Variants in ZNF567 observed in about 807,000 individuals in gnomAD.
ZNF567 encodes the protein zinc finger protein 567.
A neutral mutation model predicts 53.9 loss-of-function variants in ZNF567; 36 were observed. The observed-to-expected ratio is 0.67, with a 90% CI of 0.51 to 0.88. The LOEUF (loss-of-function observed/expected upper bound fraction) is 0.88, where lower values mean the gene tolerates loss of function less well. Ranked by LOEUF, ZNF567 falls within the 40% of genes least tolerant of loss-of-function variation. ZNF567 has a pLI of 0.00. For synonymous variants in ZNF567, 224 were observed against 260.4 expected (o/e 0.86, Z 1.35); for missense variants, 619 against 764.7 (o/e 0.81, Z 2.25).
intron 3 of ZNF567, chr19:36,711,575 A>G (rs1205589153): frequency 2.6e-5 from 4 of 152,182 alleles, no homozygotes; most frequent in Non-Finnish European, 4.4e-5. Context: ...TCTGAGGGAA[A>G]GTGTCCCTGA....
chr19:36,690,062 A>G (rs1326520625), intron 2 of ZNF567, among the ~76,000 whole-genome samples: 1 of 152,212 alleles, frequency 6.6e-6, no homozygotes, highest in Non-Finnish European at 1.5e-5. Flanking sequence ...TCTTTGGGAT[A>G]TCAGCTGAGG....
chr19:36,674,195 A>G, the ZNF567 span, among the ~76,000 whole-genome samples: 1 of 152,246 alleles, frequency 6.6e-6, no homozygotes, highest in Non-Finnish European at 1.5e-5. Context: ...AAATTGTCCT[A>G]GAAGTGGGGG....
downstream of ZNF567, among the ~76,000 whole-genome samples, chr19:36,722,461 G>A (rs528361642): frequency 1.7e-4 from 26 of 151,956 alleles, no homozygotes; most frequent in African/African-American, 3.9e-4. Context: ...GCCACCACAC[G>A]CAGCTAATTT....
chr19:36,709,631 A>G (rs540290624), intron 3 of ZNF567, among the ~76,000 whole-genome samples: 2 of 151,604 alleles, frequency 1.3e-5, no homozygotes, highest in African/African-American at 2.4e-5. Context: ...CGCCCAGCCT[A>G]TTAGCATTTT....
At chr19:36,684,155 C>A (rs1177989544), upstream of ZNF567, among the ~76,000 whole-genome samples, 1 of 152,104 alleles carries the variant, frequency 6.6e-6, no homozygotes, top group Non-Finnish European at 1.5e-5. Context: ...AATTTAGTGA[C>A]ATGAAAATTT....
At chr19:36,685,565 C>A (rs542161306), upstream of ZNF567, 4 of 152,040 alleles carry the variant, frequency 2.6e-5, no homozygotes, top group Non-Finnish European at 4.4e-5. Context: ...AAATAAGTTA[C>A]CACATATCCA....
the ZNF567 span, among the ~76,000 whole-genome samples, chr19:36,672,704 G>A: frequency 7.2e-5 from 11 of 152,190 alleles, no homozygotes; most frequent in Admixed American, 6.5e-4. Flanking sequence ...CATCATGGAA[G>A]GGGTAGTATT....
chr19:36,724,402 G>A (rs931919102), downstream of ZNF567, among the ~76,000 whole-genome samples: 1 of 151,856 alleles, frequency 6.6e-6, no homozygotes, highest in Non-Finnish European at 1.5e-5. Flanking sequence ...GATTTCTCAG[G>A]CCAGGTGTGG....
At chr19:36,722,022 G>T (rs2040309596), downstream of ZNF567, among the ~76,000 whole-genome samples, 2 of 151,186 alleles carry the variant, frequency 1.3e-5, no homozygotes, top group Admixed American at 1.3e-4. Flanking sequence ...GGATTACAGG[G>T]TGACCCACCA....
Position 36,720,513 on chromosome 19 carries a change from T to C in ZNF567, c.1789T>C (p.Cys597Arg). 1.2e-6 allele frequency: 2 copies of C among 1,614,078 alleles called. No individual in the cohort carries two copies. The highest frequency in any genetic ancestry group is 8.5e-7 in the Non-Finnish European group (1 of 1,179,990). The change falls in exon 6 of 6, where the codon TGC (cysteine) becomes CGC (arginine). Residue 597 changes from cysteine (C) to arginine (R), a missense_variant. Physicochemically the swap from Cys to Arg is radical, Grantham distance 180. Coordinates refer to ENST00000682579, the MANE Select transcript of ZNF567 (RefSeq NM_001322917.1). ...ATATAAATGTAGTGAATGTGGAAAG[T>C]GCTTCCGCCAGAAGACAAATCTTAT... ...KPYKCSECGK[C>R]FRQKTNLIVH...
chr19:36,726,052 G>A (rs2040334127), downstream of ZNF567, among the ~76,000 whole-genome samples: 1 of 151,966 alleles, frequency 6.6e-6, no homozygotes, highest in Non-Finnish European at 1.5e-5. Flanking sequence ...TGATTGCTCT[G>A]TCTCCTCTGT....
At chr19:36,723,069 C>A (rs2040317713), downstream of ZNF567, 2 of 655,358 alleles carry the variant, frequency 3.1e-6, no homozygotes, top group South Asian at 1.7e-5. Context: ...ACTGTGAGAA[C>A]CCAAGGATTT....
At chr19:36,696,062 A>G (rs2038869955) in intron 3 of ZNF567, among the ~76,000 whole-genome samples, 1 of 152,202 alleles carries the variant, frequency 6.6e-6, no homozygotes, top group Admixed American at 6.5e-5. Flanking sequence ...GCCTTCCAAT[A>G]ACACCTTCTT....
intron 3 of ZNF567, among the ~76,000 whole-genome samples, chr19:36,701,517 G>A (rs1425014132): frequency 6.6e-6 from 1 of 152,108 alleles, no homozygotes; most frequent in Non-Finnish European, 1.5e-5. Flanking sequence ...AATGTTGACA[G>A]TGGGGTGTTA....
chr19:36,723,425 A>G (rs1160183907), downstream of ZNF567: 4 of 560,254 alleles, frequency 7.1e-6, no homozygotes, highest in Admixed American at 3.3e-5. Flanking sequence ...AGAACATTGT[A>G]TCCAATGTCC....
the ZNF567 span, among the ~76,000 whole-genome samples, chr19:36,681,871 A>C: frequency 6.6e-6 from 1 of 152,056 alleles, no homozygotes; most frequent in African/African-American, 2.4e-5. Context: ...TATAACTGAA[A>C]CTTTGTATAT....
chr19:36,720,878 TAAAGTCAACTGCTCTTCCTACTGACTC>T lies in ZNF567; in HGVS notation c.*214_*240del, dbSNP rs575658103. 9.9e-4 allele frequency: 369 copies of T among 372,196 alleles called. No homozygotes were observed. Among genetic ancestry groups the T allele is most frequent in the African/African-American group, 6.8e-3 (328 of 47,952 alleles). The allele number at this position is 372,196 out of a possible 1,614,324, so 23.1% of individuals were successfully genotyped here. On this transcript the variant is annotated 3_prime_UTR_variant, in exon 6 of 6. Coordinates refer to ENST00000682579, the MANE Select transcript of ZNF567 (RefSeq NM_001322917.1). The stretch of plus-strand genomic sequence containing the variant: ...CTCTATCAGCTATGAAGCTAAATTT[TAAAGTCAACTGCTCTTCCTACTGACTC>T]AAATAGTTTATTTTTTAAAAATACT...
the ZNF567 span, chr19:36,668,141 C>T: frequency 0.046 from 7,012 of 152,354 alleles, 465 homozygotes; most frequent in African/African-American, 0.14. Flanking sequence ...GACAGGGTCT[C>T]GCTATGTTGC....
chr19:36,687,575 C>G (rs2038310068), upstream of ZNF567: 1 of 152,346 alleles, frequency 6.6e-6, no homozygotes, highest in Non-Finnish European at 1.5e-5. Context: ...CGCGGAGACA[C>G]CTGGGAGGCA....
Sources: allele counts gnomAD v4.1 joint callset (sites outside exome capture counted in the v4.1 genomes callset), GRCh38; gene constraint gnomAD v4.1.1; transcripts MANE v1.5; gene names NCBI Gene and HGNC (gene_info 2026-07-23, HGNC 2026-07-21).